DPYSL2: variants seen among roughly 807,000 people sequenced by gnomAD.
The protein encoded by DPYSL2 is dihydropyrimidinase like 2.
A neutral mutation model predicts 69.9 loss-of-function variants in DPYSL2; 13 were observed. The observed-to-expected ratio is 0.19, with a 90% CI of 0.12 to 0.30. The LOEUF (loss-of-function observed/expected upper bound fraction) is 0.30. DPYSL2 is among the 10% of genes least tolerant of loss of function. The pLI, the probability that DPYSL2 is intolerant of heterozygous loss-of-function variation, is 1.00. For missense variants in DPYSL2, 587 were observed against 918.9 expected, an observed-to-expected ratio of 0.64 and a Z score of 4.67; for synonymous variants, 326 against 359.1, an observed-to-expected ratio of 0.91 and a Z score of 1.04.
rs1808309232 is a variant in DPYSL2, at chr8:26,517,324, C to T, written c.354+2645C>T. On this transcript the variant is annotated intron_variant, in intron 1 of 13. Transcript: ENST00000521913. The surrounding 1 kb of genome is among the most constrained non-coding windows in gnomAD (Gnocchi z 4.2). ...TGCAGGAACTAAATGAAATTATATT[C>T]AGAGTATGAGCCAGACAGCACCAGA... Among the ~76,000 whole-genome samples, 1 of 152,190 alleles carries T rather than the reference C, an allele frequency of 6.6e-6. No homozygotes were observed. The highest frequency in any genetic ancestry group is 6.5e-5 in the Admixed American group (1 of 15,280).
In DPYSL2 at chr8:26,563,768, T is replaced by A. The variant is rs114337450; in HGVS notation, c.355-18201T>A. On this transcript the variant is annotated intron_variant, in intron 1 of 13. Transcript: ENST00000521913. ...ACCCCCTTGTAGAAGGTAACTTCCATGAGGGCAGAGGTGTTGTAGGTTTTT... is the reference window on the plus strand; with the variant it reads ...ACCCCCTTGTAGAAGGTAACTTCCAAGAGGGCAGAGGTGTTGTAGGTTTTT... Among the ~76,000 whole-genome samples, 1,098 of 152,332 alleles carry A rather than the reference T, an allele frequency of 7.2e-3. 9 individuals are homozygous for A. The highest frequency in any genetic ancestry group is 0.025 in the African/African-American group (1,044 of 41,576).
At chr8:26,612,605 A>C (rs1308321031) in intron 3 of DPYSL2, among the ~76,000 whole-genome samples, 1 of 152,258 alleles carries the variant, frequency 6.6e-6, no homozygotes, top group Non-Finnish European at 1.5e-5. Flanking sequence ...TAATCCCAGC[A>C]CTTTGGGAGG....
chr8:26,612,029 G>A (rs1045782567), intron 3 of DPYSL2, among the ~76,000 whole-genome samples: 1 of 152,252 alleles, frequency 6.6e-6, no homozygotes, highest in Non-Finnish European at 1.5e-5. Context: ...ATTTAATCAT[G>A]TGGTTGTAAA....
rs557087950 is a variant in DPYSL2 at position 26,648,097 on chromosome 8, G to A, written c.1596+297G>A. On this transcript the variant is annotated intron_variant, in intron 11 of 13. Coordinates refer to ENST00000521913, the MANE Select transcript of DPYSL2 (RefSeq NM_001197293.3). The surrounding 1 kb of genome is among the most constrained non-coding windows in gnomAD (Gnocchi z 4.3). ...GCAAAGCTTCCAGAAGTCAGGCACCGCTCCATTTTCATAGGTTGGCACAGC... is the reference window on the plus strand; with the variant it reads ...GCAAAGCTTCCAGAAGTCAGGCACCACTCCATTTTCATAGGTTGGCACAGC... 6.6e-6 allele frequency among the ~76,000 whole-genome samples: 1 copy of A among 152,174 alleles called. No homozygotes were observed. Among genetic ancestry groups the A allele is most frequent in the Admixed American group, 6.5e-5 (1 of 15,280 alleles).
At position 26,628,083 on chromosome 8, in the gene DPYSL2, GTGTC is replaced by G; in HGVS notation, c.1005+153_1005+156del. 3.8e-6 allele frequency: 3 copies of G among 799,700 alleles called. No homozygotes were observed. In the South Asian group the frequency reaches 4.9e-5, roughly 13 times the overall value. 49.5% of individuals were successfully genotyped at this position (799,700 alleles called of 1,614,324 possible). A position where few individuals can be genotyped will look rare whatever the true frequency, so the allele number is the denominator to read the frequency against. On this transcript the variant is annotated intron_variant, in intron 7 of 13. Coordinates refer to ENST00000521913, the MANE Select transcript of DPYSL2 (RefSeq NM_001197293.3). ...TTCTGAGAAGCTGTGGGTCACGTGTGTGTCTGTCTGTCTACGCAGGCAAAGTGAA... is the reference window on the plus strand; with the variant it reads ...TTCTGAGAAGCTGTGGGTCACGTGTGTGTCTGTCTACGCAGGCAAAGTGAA...
At chr8:26,625,856 AT>A (rs1313011176) in intron 4 of DPYSL2, among the ~76,000 whole-genome samples, 1 of 152,170 alleles carries the variant, frequency 6.6e-6, no homozygotes, top group Non-Finnish European at 1.5e-5. Flanking sequence ...CATCTTAACC[AT>A]TTTTAAGTGT....
At chr8:26,606,595 C>T (rs1185993146) in intron 3 of DPYSL2, among the ~76,000 whole-genome samples, 1 of 151,920 alleles carries the variant, frequency 6.6e-6, no homozygotes, top group Non-Finnish European at 1.5e-5. Flanking sequence ...GCAAGGTATT[C>T]ACAAAAAGGA....
rs1370811080 is a variant in DPYSL2 at position 26,626,392 on chromosome 8, C to T, written c.794-225C>T. On this transcript the variant is annotated intron_variant, in intron 4 of 13. Coordinates refer to ENST00000521913, the MANE Select transcript of DPYSL2 (RefSeq NM_001197293.3). This position sits in a 1 kb window ranked among gnomAD's most constrained non-coding sequence, Gnocchi z 4.3. ...ACTAAAAAGCATCCTTGTGCCTCTT[C>T]CTCCCACATTCACAGGTTATTTATA... 6.6e-6 allele frequency among the ~76,000 whole-genome samples: 1 copy of T among 151,960 alleles called. No individual in the cohort carries two copies. Among genetic ancestry groups the T allele is most frequent in the Admixed American group, 6.6e-5 (1 of 15,230 alleles).
In DPYSL2 at chr8:26,560,100, A is replaced by G. The variant is rs1801048196; in HGVS notation, c.355-21869A>G. Among the ~76,000 whole-genome samples the G allele has an allele frequency of 6.6e-6, 1 of 152,220 alleles. No homozygotes were observed. Among genetic ancestry groups the G allele is most frequent in the African/African-American group, 2.4e-5 (1 of 41,458 alleles). ...TAATCTGTTAAAAGAAATAATGCAG[A>G]TATGCTAAGCAGAGTTGGTTTAGCA... On this transcript the variant is annotated intron_variant, in intron 1 of 13. Coordinates refer to ENST00000521913, the MANE Select transcript of DPYSL2 (RefSeq NM_001197293.3). The surrounding 1 kb of genome is among the most constrained non-coding windows in gnomAD (Gnocchi z 4.4).
At position 26,565,134 on chromosome 8, in the gene DPYSL2, T is replaced by A. The variant is rs1228854763; in HGVS notation, c.355-16835T>A. 6.6e-6 allele frequency among the ~76,000 whole-genome samples: 1 copy of A among 152,182 alleles called. No homozygotes were observed. Among genetic ancestry groups the A allele is most frequent in the East Asian group, 1.9e-4 (1 of 5,200 alleles). ...TTTATCATTCTGTTTTATGGCTGAG[T>A]AGTATTCCAAGGTGTATATGTACCA... is the stretch of plus-strand genomic sequence containing the variant. On this transcript the variant is annotated intron_variant, in intron 1 of 13. Coordinates refer to ENST00000521913, the MANE Select transcript of DPYSL2 (RefSeq NM_001197293.3). This position sits in a 1 kb window ranked among gnomAD's most constrained non-coding sequence, Gnocchi z 4.1.
chr8:26,627,830 A>C lies in DPYSL2; in HGVS notation c.937-42A>C, dbSNP rs141241578. ...GCCTCTGCCATCAGAGCTGTGCAAAATCCACTCTCCCTCACAGCCTGACTT... is the reference window on the plus strand; with the variant it reads ...GCCTCTGCCATCAGAGCTGTGCAAACTCCACTCTCCCTCACAGCCTGACTT... On this transcript the variant is annotated intron_variant, in intron 6 of 13. Transcript: ENST00000521913. This position sits in a 1 kb window ranked among gnomAD's most constrained non-coding sequence, Gnocchi z 6.9. The C allele has an allele frequency of 7.2e-3, 11,553 of 1,606,056 alleles. 97 individuals carry two copies. Among genetic ancestry groups the C allele is most frequent in the South Asian group, 0.029 (2,575 of 89,862 alleles).
At position 26,516,775 on chromosome 8, in the gene DPYSL2, A is replaced by G. The variant is rs1006453183; in HGVS notation, c.354+2096A>G. Among the ~76,000 whole-genome samples, 4 of 152,144 alleles carry G rather than the reference A, an allele frequency of 2.6e-5. No individual in the cohort carries two copies. Among genetic ancestry groups the G allele is most frequent in the Non-Finnish European group, 5.9e-5 (4 of 68,030 alleles). On this transcript the variant is annotated intron_variant, in intron 1 of 13. Coordinates refer to ENST00000521913, the MANE Select transcript of DPYSL2 (RefSeq NM_001197293.3). This position sits in a 1 kb window ranked among gnomAD's most constrained non-coding sequence, Gnocchi z 4.8. ...CTGCAGCACCTTCCCCTGAATTTTCATGTTTAATCTTGCCTTATCATATAA... is the reference window on the plus strand; with the variant it reads ...CTGCAGCACCTTCCCCTGAATTTTCGTGTTTAATCTTGCCTTATCATATAA...
intron 1 of DPYSL2, among the ~76,000 whole-genome samples, chr8:26,541,942 A>G (rs1800690975): frequency 6.6e-6 from 1 of 152,222 alleles, no homozygotes. Flanking sequence ...CTCATTAATA[A>G]TTACTTAAAT....
intron 8 of DPYSL2, among the ~76,000 whole-genome samples, chr8:26,638,246 A>C (rs560717962): frequency 6.6e-6 from 1 of 152,370 alleles, no homozygotes; most frequent in East Asian, 1.9e-4. Context: ...TCGGGGCTAC[A>C]AAAGGGGTAC....
At chr8:26,581,899 C>A in intron 1 of DPYSL2, 70 bp from the exon 2 acceptor site, 1 of 1,156,348 alleles carries the variant, frequency 8.6e-7, no homozygotes, top group Non-Finnish European at 1.3e-6. Flanking sequence ...GTATCCTTAG[C>A]TCACATATCT....
intron 4 of DPYSL2, among the ~76,000 whole-genome samples, chr8:26,625,749 T>C (rs1425300427): frequency 6.6e-6 from 1 of 152,200 alleles, no homozygotes; most frequent in East Asian, 1.9e-4. Flanking sequence ...AGGCAGAAAC[T>C]TCTAATTCAT....
chr8:26,569,361 AAAAC>A lies in DPYSL2; in HGVS notation c.355-12604_355-12601del, dbSNP rs1161130422. On this transcript the variant is annotated intron_variant, in intron 1 of 13. Coordinates refer to ENST00000521913, the MANE Select transcript of DPYSL2 (RefSeq NM_001197293.3). ...AGGGCAAGACCCTATCTCCAAAAAA[AAAAC>A]AAAAACAAAAACAAAAAAAAACCAA... is the stretch of plus-strand genomic sequence containing the variant. 1.9e-4 allele frequency among the ~76,000 whole-genome samples: 22 copies of A among 117,152 alleles called. 2 individuals are homozygous for A. Among genetic ancestry groups the A allele is most frequent in the African/African-American group, 6.5e-4 (18 of 27,856 alleles). 76.9% of individuals were successfully genotyped at this position (117,152 alleles called of 152,430 possible).
chr8:26,655,580 C>T (rs776367820), intron 13 of DPYSL2, 35 bp from the exon 14 acceptor site: 2 of 1,560,684 alleles, frequency 1.3e-6, no homozygotes, highest in Non-Finnish European at 1.8e-6. Context: ...CTGTCCTGGC[C>T]CCTCACCCGC....
At chr8:26,545,486 G>A (rs983144454) in intron 1 of DPYSL2, among the ~76,000 whole-genome samples, 6 of 152,056 alleles carry the variant, frequency 3.9e-5, no homozygotes, top group Admixed American at 6.6e-5. Flanking sequence ...CTGTAATCTC[G>A]GCACTTTGGG....
Sources: gnomAD v4.1 joint callset for allele counts (sites outside exome capture counted in the v4.1 genomes callset) on GRCh38, gnomAD v4.1.1 for gene constraint, Gnocchi (gnomAD v3.1) non-coding constraint, MANE v1.5 for transcripts, NCBI Gene and HGNC (gene_info 2026-07-23, HGNC 2026-07-21) for gene names.